FRMPD4: variants seen among roughly 807,000 people sequenced by gnomAD.
FRMPD4 encodes FERM and PDZ domain containing 4, also known as FERM and PDZ domain-containing protein 4.
Under a neutral mutation model 94.1 loss-of-function variants are expected in FRMPD4, and 22 were observed. That is an observed-to-expected ratio of 0.23 (90% CI 0.17 to 0.33). The LOEUF is 0.33. FRMPD4 is among the 10% of genes least tolerant of loss of function. The pLI, the probability that FRMPD4 is intolerant of heterozygous loss-of-function variation, is 1.00. For missense variants in FRMPD4, 1,111 were observed against 1,339.9 expected (o/e 0.83, Z 2.67); for synonymous variants, 631 against 548.6 (o/e 1.15, Z -2.10).
chrX:12,315,212 T>G (rs2055096223), intron 1 of FRMPD4, among the ~76,000 whole-genome samples: 1 of 112,464 alleles, frequency 8.9e-6, no homozygotes, highest in Non-Finnish European at 1.9e-5. Context: ...GTGATTAAGT[T>G]TTGAGTTTCC....
At position 11,829,394 on chromosome X, in the gene FRMPD4, G is replaced by T. The variant is rs1277519518; in HGVS notation, c.-161+6679G>T. On this transcript the variant is annotated intron_variant, in intron 1 of 18. Coordinates refer to the FRMPD4 transcript ENST00000640291. ...AGTGTGGCCTTTGGAAAGCTTAAGA[G>T]AAATATAAAGTAAACTAGGAAAATC... 3.0e-4 allele frequency among the ~76,000 whole-genome samples: 33 copies of T among 111,269 alleles called. No individual in the cohort carries two copies. The Admixed American group carries it at 3.2e-3, about 11-fold the overall frequency.
chrX:12,679,302 AAAG>A (rs2059938633), intron 5 of FRMPD4, among the ~76,000 whole-genome samples: 1 of 111,291 alleles, frequency 9.0e-6, no homozygotes, highest in South Asian at 3.7e-4. Context: ...CATGCGGGAA[AAAG>A]AAGTTTTTTT....
At chrX:12,421,852 C>T (rs1366399924) in intron 1 of FRMPD4, among the ~76,000 whole-genome samples, 4 of 109,188 alleles carry the variant, frequency 3.7e-5, no homozygotes, top group Non-Finnish European at 7.6e-5. Context: ...TAAACCTAGG[C>T]AGTGTCCCAA....
intron 3 of FRMPD4, among the ~76,000 whole-genome samples, chrX:11,958,071 C>T (rs778631453): frequency 8.9e-5 from 10 of 112,026 alleles, no homozygotes; most frequent in African/African-American, 2.6e-4. Flanking sequence ...GCACTTAATA[C>T]ATTGATTTTC....
chrX:11,884,658 A>C (rs2053835629), intron 3 of FRMPD4, among the ~76,000 whole-genome samples: 1 of 111,458 alleles, frequency 9.0e-6, no homozygotes, highest in South Asian at 3.7e-4. Flanking sequence ...TCATATTATA[A>C]ATTTCCTTTG....
At chrX:11,854,607 C>T (rs1327491663) in intron 1 of FRMPD4, among the ~76,000 whole-genome samples, 1 of 112,468 alleles carries the variant, frequency 8.9e-6, no homozygotes, top group Non-Finnish European at 1.9e-5. Flanking sequence ...GGGCTACAAG[C>T]CCCTGCAAGT....
chrX:12,180,261 T>C (rs1339491102), intron 1 of FRMPD4, among the ~76,000 whole-genome samples: 1 of 112,294 alleles, frequency 8.9e-6, no homozygotes, highest in African/African-American at 3.2e-5. Flanking sequence ...TAGCTACACA[T>C]GCCAGTAGTT....
intron 3 of FRMPD4, among the ~76,000 whole-genome samples, chrX:12,120,836 C>T (rs1187044786): frequency 1.8e-5 from 2 of 111,030 alleles, no homozygotes; most frequent in African/African-American, 6.5e-5. Flanking sequence ...GTCCTACCAC[C>T]AAATAGTGAG....
intron 2 of FRMPD4, among the ~76,000 whole-genome samples, chrX:12,515,296 G>A (rs1048166760): frequency 5.4e-5 from 6 of 111,255 alleles, no homozygotes; most frequent in African/African-American, 1.6e-4. Flanking sequence ...GTGATATTAG[G>A]GAGTCAATTT....
intron 3 of FRMPD4, among the ~76,000 whole-genome samples, chrX:11,907,846 C>T (rs1036044757): frequency 2.7e-5 from 3 of 110,864 alleles, no homozygotes; most frequent in African/African-American, 6.6e-5. Context: ...TATTTTGTTT[C>T]GTAACTTGCT....
intron 1 of FRMPD4, among the ~76,000 whole-genome samples, chrX:12,185,692 G>T (rs1021612641): frequency 1.8e-5 from 2 of 111,689 alleles, no homozygotes. Flanking sequence ...AGCAATTTTG[G>T]CCTCACATAA....
intron 1 of FRMPD4, among the ~76,000 whole-genome samples, chrX:12,379,642 C>CAT (rs775017261): frequency 1.1e-5 from 1 of 89,972 alleles, no homozygotes; most frequent in African/African-American, 4.0e-5. Context: ...GATATGCTGC[C>CAT]GTGTGTGTGT....
At chrX:11,886,357 C>T (rs1032522682) in intron 3 of FRMPD4, among the ~76,000 whole-genome samples, 2 of 111,346 alleles carry the variant, frequency 1.8e-5, no homozygotes, top group Non-Finnish European at 3.8e-5. Context: ...GAGAGGAGAT[C>T]GATTTAGACA....
At chrX:12,213,854 T>G (rs2056778664) in intron 1 of FRMPD4, among the ~76,000 whole-genome samples, 1 of 112,433 alleles carries the variant, frequency 8.9e-6, no homozygotes, top group South Asian at 3.6e-4. Context: ...TGGAAATGTT[T>G]AAGTGTTTCA....
At chrX:11,929,029 T>C (rs1395800511) in intron 3 of FRMPD4, among the ~76,000 whole-genome samples, 3 of 112,125 alleles carry the variant, frequency 2.7e-5, no homozygotes, top group Admixed American at 9.4e-5. Context: ...AAATACCACA[T>C]GTTATAAGTA....
In FRMPD4 at chrX:12,720,881, GCC is replaced by G. The variant is rs2042225279; in HGVS notation, c.4313_4314del (p.Ala1438GlufsTer3). On this transcript the variant is annotated frameshift_variant, in exon 17 of 17. Transcript: ENST00000675598. LOFTEE classifies it high-confidence loss of function. ...TCCAGGCATCACAGAAGCACAGGAG[GCC>G]AGTTCTGAAAGGCGAGCAGAACTCC... ...KCPGITEAQE[A>X]SSERRAELPL... 2.3e-6 allele frequency: 2 copies of G among 857,919 alleles called. No homozygotes were observed. Among genetic ancestry groups the G allele is most frequent in the Non-Finnish European group, 2.8e-6 (2 of 703,985 alleles). The allele number at this position is 857,919 out of a possible 1,213,427, so 70.7% of individuals were successfully genotyped here.
intron 1 of FRMPD4, among the ~76,000 whole-genome samples, chrX:12,225,975 A>G (rs1016303645): frequency 1.8e-5 from 2 of 112,181 alleles, no homozygotes; most frequent in African/African-American, 6.5e-5. Context: ...AGATGATAGT[A>G]GCTACCTCCT....
intron 3 of FRMPD4, among the ~76,000 whole-genome samples, chrX:11,880,515 G>A (rs2053807637): frequency 1.8e-5 from 2 of 111,956 alleles, no homozygotes; most frequent in Admixed American, 1.9e-4. Context: ...ATTCATTTAG[G>A]ACTTGGGAAA....
At chrX:12,667,210 C>G (rs1262099698) in intron 4 of FRMPD4, among the ~76,000 whole-genome samples, 1 of 112,756 alleles carries the variant, frequency 8.9e-6, no homozygotes, top group Admixed American at 9.4e-5. Flanking sequence ...TCACCCTTCA[C>G]AGATTGATTA....
Sources: gnomAD v4.1 joint callset for allele counts (sites outside exome capture counted in the v4.1 genomes callset) on GRCh38, gnomAD v4.1.1 for gene constraint, MANE v1.5 for transcripts, NCBI Gene and HGNC (gene_info 2026-07-23, HGNC 2026-07-21) for gene names.